The following ZMAT3 variants were observed in gnomAD, a reference collection of about 807,000 sequenced individuals.
ZMAT3 encodes zinc finger matrin-type protein 3.
A neutral mutation model predicts 32.3 loss-of-function variants in ZMAT3; 17 were observed. The ratio of observed to expected loss-of-function variants is 0.53; its 90% CI spans 0.36 to 0.79. The LOEUF (loss-of-function observed/expected upper bound fraction) is 0.79. Ranked by LOEUF, ZMAT3 falls within the 30% of genes least tolerant of loss-of-function variation. The pLI is 0.00. For synonymous variants in ZMAT3, 120 were observed against 133.1 expected, an observed-to-expected ratio of 0.90 and a Z score of 0.68; for missense variants, 329 against 359.7, an observed-to-expected ratio of 0.91 and a Z score of 0.69.
At position 179,017,300 on chromosome 3, in the gene ZMAT3, A is replaced by C. The variant is rs1718324569; in HGVS notation, c.*7717T>G. On this transcript the variant is annotated 3_prime_UTR_variant, in exon 6 of 6. Coordinates refer to ENST00000311417, the MANE Select transcript of ZMAT3 (RefSeq NM_022470.4). ...GTTATAATAATGTCAAGCCTTTATC[A>C]GAAATCAGTACATAAGTGAGGATAC... The C allele has an allele frequency of 6.6e-6, 1 of 152,218 alleles. No individual in the cohort carries two copies. The highest frequency in any genetic ancestry group is 1.5e-5 in the Non-Finnish European group (1 of 68,024). 9.4% of individuals were successfully genotyped at this position (152,218 alleles called of 1,614,324 possible).
chr3:179,026,966 G>T (rs539429108), intron 5 of ZMAT3, among the ~76,000 whole-genome samples: 1 of 152,142 alleles, frequency 6.6e-6, no homozygotes, highest in Non-Finnish European at 1.5e-5. Flanking sequence ...ATATGTCTGG[G>T]TCCTACTCCA....
intron 3 of ZMAT3, among the ~76,000 whole-genome samples, chr3:179,030,421 C>G (rs1276201209): frequency 1.4e-5 from 2 of 146,252 alleles, no homozygotes; most frequent in Non-Finnish European, 3.0e-5. Context: ...GTGGTGCAAT[C>G]TCAGCTCACT....
chr3:179,041,431 C>T (rs1719920956), intron 2 of ZMAT3, among the ~76,000 whole-genome samples: 1 of 152,218 alleles, frequency 6.6e-6, no homozygotes, highest in African/African-American at 2.4e-5. Context: ...AAGAAACTCA[C>T]TCAAAACTGC....
At chr3:179,028,837 A>G (rs7629064) in intron 3 of ZMAT3, among the ~76,000 whole-genome samples, 149,049 of 152,342 alleles carry the variant, frequency 0.98, 72,928 homozygotes, top group Middle Eastern at 1. Context: ...AATGATACAA[A>G]CTGGTTAAAA....
At chr3:179,053,025 G>A (rs2108572321) in intron 2 of ZMAT3, among the ~76,000 whole-genome samples, 1 of 152,156 alleles carries the variant, frequency 6.6e-6, no homozygotes, top group Admixed American at 6.5e-5. Flanking sequence ...CTACTCAGGA[G>A]GCTAAGGCAG....
At chr3:179,060,215 AG>A (rs993619148) in intron 2 of ZMAT3, among the ~76,000 whole-genome samples, 1 of 141,654 alleles carries the variant, frequency 7.1e-6, no homozygotes, top group Non-Finnish European at 1.5e-5. Flanking sequence ...AAACAAAAAA[AG>A]AATGATAAAA....
At position 179,038,889 on chromosome 3, in the gene ZMAT3, C is replaced by A. The variant is rs896083154; in HGVS notation, c.271-7890G>T. Among the ~76,000 whole-genome samples, 5 of 152,224 alleles carry A rather than the reference C, an allele frequency of 3.3e-5. No homozygotes were observed. In the South Asian group the frequency reaches 1.0e-3, roughly 32 times the overall value. The stretch of plus-strand genomic sequence containing the variant: ...GCGCTTTTCCCAAGGTCTTAGCAAC[C>A]GGAAAACAAGGAGATACTCTCCCGT... On this transcript the variant is annotated intron_variant, in intron 2 of 5. Transcript: ENST00000311417.
At chr3:179,067,382 G>T in intron 2 of ZMAT3, 101 bp downstream of exon 2, 2 of 1,236,776 alleles carry the variant, frequency 1.6e-6, no homozygotes, top group African/African-American at 1.5e-5. Flanking sequence ...AAGCCATCTT[G>T]GTATTCCAGG....
chr3:179,070,009 C>G (rs1721628457), intron 1 of ZMAT3, among the ~76,000 whole-genome samples: 2 of 151,888 alleles, frequency 1.3e-5, no homozygotes, highest in Non-Finnish European at 2.9e-5. Context: ...AGACAAAGAA[C>G]AGCTTTTAAA....
intron 3 of ZMAT3, among the ~76,000 whole-genome samples, chr3:179,029,458 T>A (rs79347518): frequency 3.6e-4 from 55 of 152,308 alleles, no homozygotes; most frequent in South Asian, 2.7e-3. Flanking sequence ...GGAATTTTTT[T>A]AATTACATTT....
intron 1 of ZMAT3, among the ~76,000 whole-genome samples, chr3:179,069,606 A>G (rs1721604522): frequency 6.6e-6 from 1 of 152,234 alleles, no homozygotes; most frequent in Non-Finnish European, 1.5e-5. Context: ...GTAAATTTTG[A>G]AAAGTTAAAG....
chr3:179,018,234 T>C lies in ZMAT3; in HGVS notation c.*6783A>G, dbSNP rs1453133987. ...AATACACAAATAATAATAAATGATA[T>C]AGAACATTTATTATTTTCACTAGTG... is the stretch of plus-strand genomic sequence containing the variant. On this transcript the variant is annotated 3_prime_UTR_variant, in exon 6 of 6. Coordinates refer to ENST00000311417, the MANE Select transcript of ZMAT3 (RefSeq NM_022470.4). The C allele has an allele frequency of 3.3e-5, 5 of 152,128 alleles. No individual in the cohort carries two copies. The highest frequency in any genetic ancestry group is 4.8e-5 in the African/African-American group (2 of 41,432). The allele number at this position is 152,128 out of a possible 1,614,324, so 9.4% of individuals were successfully genotyped here.
Position 179,020,412 on chromosome 3 carries a change from A to G in ZMAT3, c.*4605T>C, listed in dbSNP as rs920113829. Reference sequence around the variant, plus strand: ...GCCAGAGTGACAGTAACTGCTCACAATGGTAGGGGTTCTCCCCTGCCAAGA... The same window carrying G: ...GCCAGAGTGACAGTAACTGCTCACAGTGGTAGGGGTTCTCCCCTGCCAAGA... On this transcript the variant is annotated 3_prime_UTR_variant, in exon 6 of 6. Coordinates refer to ENST00000311417, the MANE Select transcript of ZMAT3 (RefSeq NM_022470.4). 1 of 152,226 alleles carries G rather than the reference A, an allele frequency of 6.6e-6. No individual in the cohort carries two copies. Among genetic ancestry groups the G allele is most frequent in the African/African-American group, 2.4e-5 (1 of 41,468 alleles). 9.4% of individuals were successfully genotyped at this position (152,226 alleles called of 1,614,324 possible). A position where few individuals can be genotyped will look rare whatever the true frequency, so the allele number is the denominator to read the frequency against.
intron 2 of ZMAT3, among the ~76,000 whole-genome samples, chr3:179,042,583 AAG>A (rs1473084811): frequency 6.6e-6 from 1 of 152,232 alleles, no homozygotes; most frequent in Non-Finnish European, 1.5e-5. Flanking sequence ...TCAAAATAAT[AAG>A]AGCTATTTAT....
chr3:179,065,086 G>A (rs1005194041), intron 2 of ZMAT3, among the ~76,000 whole-genome samples: 12 of 152,074 alleles, frequency 7.9e-5, no homozygotes. Flanking sequence ...TCGAATCTTT[G>A]CTTCTGAAGT....
At chr3:179,040,099 C>T (rs555826245) in intron 2 of ZMAT3, among the ~76,000 whole-genome samples, 7 of 152,222 alleles carry the variant, frequency 4.6e-5, no homozygotes, top group South Asian at 4.2e-4. Flanking sequence ...ACCAAATCTA[C>T]GTTTGATTGG....
intron 5 of ZMAT3, 152 bp from the exon 6 acceptor site, chr3:179,025,380 A>G: frequency 1.4e-6 from 1 of 707,080 alleles, no homozygotes. Context: ...GGATTTTTAA[A>G]ATTACAATTT....
intron 2 of ZMAT3, among the ~76,000 whole-genome samples, chr3:179,056,144 TTGA>T (rs1720829484): frequency 6.6e-6 from 1 of 152,184 alleles, no homozygotes; most frequent in Admixed American, 6.5e-5. Flanking sequence ...CCTGACTCTA[TTGA>T]AGGCCAACTA....
In ZMAT3 at chr3:179,055,480, T is replaced by G. The variant is rs7651110; in HGVS notation, c.270+12003A>C. Among the ~76,000 whole-genome samples, 8 of 145,948 alleles carry G rather than the reference T, an allele frequency of 5.5e-5. No individual in the cohort carries two copies. In the East Asian group the frequency reaches 1.5e-3, roughly 27 times the overall value. On this transcript the variant is annotated intron_variant, in intron 2 of 5. Transcript: ENST00000311417. The stretch of plus-strand genomic sequence containing the variant: ...TCCACCTCCCTACCCCAGCGTCCCC[T>G]CCCCGACTCCTTCCTCAACTAATAA...
Sources: allele counts gnomAD v4.1 joint callset (sites outside exome capture counted in the v4.1 genomes callset), GRCh38; gene constraint gnomAD v4.1.1; transcripts MANE v1.5; gene names NCBI Gene and HGNC (gene_info 2026-07-23, HGNC 2026-07-21).